The following ZFHX4 variants were observed in gnomAD, a reference collection of about 807,000 sequenced individuals.
ZFHX4 encodes zinc finger homeobox protein 4.
In ZFHX4, 56 loss-of-function variants were observed where a neutral mutation model predicts 267.6. The ratio of observed to expected loss-of-function variants is 0.21; its 90% confidence interval spans 0.17 to 0.26. The LOEUF is 0.26. ZFHX4 is among the 10% of genes least tolerant of loss of function. The pLI, the probability that ZFHX4 is intolerant of heterozygous loss-of-function variation, is 1.00. For synonymous variants in ZFHX4, 1,778 were observed against 1,665.6 expected (o/e 1.07, Z -1.64); for missense variants, 4,332 against 4,420.0 (o/e 0.98, Z 0.56).
In ZFHX4 at chr8:76,854,619, C is replaced by A. The variant is rs1256417413; in HGVS notation, c.7698C>A (p.Ser2566=). 6.2e-7 allele frequency: 1 copy of A among 1,613,596 alleles called. No homozygotes were observed. Among genetic ancestry groups the A allele is most frequent in the Non-Finnish European group, 8.5e-7 (1 of 1,179,872 alleles). The change falls in exon 10 of 11, where the codon TCC becomes TCA. Residue 2566 remains serine, a synonymous_variant. Transcript: ENST00000651372. ...AAATGCCCCCTCAGGCCAGTTCCTC[C>A]CACACCACAGCCCCCACAACGGTTG... ...LTQMPPQASS[S]HTTAPTTVAA...
intron 3 of ZFHX4, among the ~76,000 whole-genome samples, chr8:76,765,065 A>C (rs984554841): frequency 1.3e-5 from 2 of 152,192 alleles, no homozygotes; most frequent in Non-Finnish European, 2.9e-5. Context: ...AAGGAAGCTC[A>C]ACATAGAAAG....
chr8:76,754,184 T>C (rs1809702009), intron 3 of ZFHX4, among the ~76,000 whole-genome samples: 1 of 152,148 alleles, frequency 6.6e-6, no homozygotes, highest in Admixed American at 6.5e-5. Flanking sequence ...TTGTGATAAA[T>C]TTCTGGGAAA....
At chr8:76,682,181 C>G (rs1403054535) in intron 1 of ZFHX4, among the ~76,000 whole-genome samples, 3 of 152,148 alleles carry the variant, frequency 2.0e-5, no homozygotes, top group African/African-American at 4.8e-5. Context: ...AAAGTTTGGA[C>G]GTTGGTCGGT....
Position 76,855,073 on chromosome 8 carries a change from G to A in ZFHX4, c.8152G>A (p.Glu2718Lys), listed in dbSNP as rs777395507. 3.1e-6 allele frequency: 5 copies of A among 1,613,758 alleles called. No individual in the cohort carries two copies. In the Admixed American group the frequency reaches 5.0e-5, roughly 16 times the overall value. The change falls in exon 10 of 11, where the codon GAA (glutamate) becomes AAA (lysine). Residue 2718 changes from glutamate (E) to lysine (K), a missense_variant. By Grantham distance (56) the Glu-to-Lys change is moderately conservative. Around this residue, in one of 7 missense-constraint regions of ZFHX4, gnomAD observed 1,648 missense variants for 1,625.0 expected, o/e 1.01. Coordinates refer to ENST00000651372, the MANE Select transcript of ZFHX4 (RefSeq NM_024721.5). Reference sequence around the variant, plus strand: ...GCCACCAAGCCCTTTAATATCCACCGAAGATGGGGGAGAAAGCCCACAGAA... The same window carrying A: ...GCCACCAAGCCCTTTAATATCCACCAAAGATGGGGGAGAAAGCCCACAGAA... The part of the protein sequence containing the change: ...SLPPSPLIST[E>K]DGGESPQKYI...
intron 1 of ZFHX4, among the ~76,000 whole-genome samples, chr8:76,684,661 G>T (rs1463482211): frequency 6.6e-6 from 1 of 152,192 alleles, no homozygotes; most frequent in Non-Finnish European, 1.5e-5. Context: ...CAACTGTGGG[G>T]TTAGACAGGG....
intron 4 of ZFHX4, among the ~76,000 whole-genome samples, chr8:76,790,162 TC>T (rs1810797026): frequency 6.6e-6 from 1 of 152,186 alleles, no homozygotes; most frequent in African/African-American, 2.4e-5. Flanking sequence ...AAGTACACTT[TC>T]CTATATACAT....
chr8:76,826,689 A>G (rs1208170695), intron 4 of ZFHX4, among the ~76,000 whole-genome samples: 3 of 152,194 alleles, frequency 2.0e-5, no homozygotes, highest in Admixed American at 6.5e-5. Context: ...GGTGGTTGCC[A>G]GGGACTGAGG....
At chr8:76,849,490 A>G (rs1563556715) in intron 7 of ZFHX4, 22 bp from the exon 8 acceptor site, 1 of 1,590,044 alleles carries the variant, frequency 6.3e-7, no homozygotes, top group East Asian at 2.2e-5. Flanking sequence ...AATAGTGGCC[A>G]TGTTTATTCA....
Position 76,853,481 on chromosome 8 carries a change from G to T in ZFHX4, c.6560G>T (p.Arg2187Ile). The part of the protein sequence containing the change: ...FRNTLFKERQ[R>I]NKDSPYNFSN... ...AATACGCTTTTTAAGGAACGACAGA[G>T]AAATAAAGATTCACCATACAACTTC... The change falls in exon 10 of 11, where the codon AGA becomes ATA. Residue 2187 changes from arginine (R) to isoleucine (I), a missense_variant. Transcript: ENST00000651372. 1 of 1,613,812 alleles carries T rather than the reference G, an allele frequency of 6.2e-7. No individual in the cohort carries two copies. Among genetic ancestry groups the T allele is most frequent in the Non-Finnish European group, 8.5e-7 (1 of 1,179,838 alleles).
chr8:76,788,550 A>G (rs1003075604), intron 4 of ZFHX4, among the ~76,000 whole-genome samples: 4 of 152,206 alleles, frequency 2.6e-5, no homozygotes, highest in African/African-American at 9.6e-5. Flanking sequence ...AACTTACAGT[A>G]GAGATTCTGG....
chr8:76,829,348 C>G (rs1464730921), intron 4 of ZFHX4, among the ~76,000 whole-genome samples: 1 of 151,810 alleles, frequency 6.6e-6, no homozygotes, highest in Non-Finnish European at 1.5e-5. Flanking sequence ...AGATTAAATA[C>G]CTGAAAGTTG....
intron 1 of ZFHX4, 149 bp from the exon 2 acceptor site, chr8:76,703,894 C>G (rs923574493): frequency 1.7e-6 from 1 of 598,934 alleles, no homozygotes; most frequent in Non-Finnish European, 2.9e-6. Context: ...CAAAGTCCGT[C>G]TGTGATAGAT....
At chr8:76,744,892 A>C (rs1809418400) in intron 3 of ZFHX4, among the ~76,000 whole-genome samples, 1 of 152,116 alleles carries the variant, frequency 6.6e-6, no homozygotes, top group South Asian at 2.1e-4. Flanking sequence ...ACACTTACAG[A>C]TGTTCAGGCT....
At chr8:76,850,149 C>G (rs181608006) in intron 8 of ZFHX4, 96 bp from the exon 9 acceptor site, 911 of 994,656 alleles carry the variant, frequency 9.2e-4, no homozygotes, top group Non-Finnish European at 1.3e-3. Flanking sequence ...CTAAAATAAA[C>G]AAATGTAAGT....
chr8:76,842,712 A>G lies in ZFHX4; in HGVS notation c.3452A>G (p.Asp1151Gly), dbSNP rs2131916364. 1.9e-6 allele frequency: 3 copies of G among 1,555,018 alleles called. No individual in the cohort carries two copies. The highest frequency in any genetic ancestry group is 2.6e-6 in the Non-Finnish European group (3 of 1,148,944). The change falls in exon 6 of 11, where the codon GAT becomes GGT. Residue 1151 changes from aspartate (D) to glycine (G), a missense_variant. Around this residue, in one of 7 missense-constraint regions of ZFHX4, gnomAD observed 1,371 missense variants for 1,423.1 expected, o/e 0.96. Coordinates refer to ENST00000651372, the MANE Select transcript of ZFHX4 (RefSeq NM_024721.5). Reference protein sequence around the residue: ...AIKPTAVAEDDEKDTSERDNS... With the variant: ...AIKPTAVAEDGEKDTSERDNS... ...AAGCCTACAGCAGTGGCCGAGGACG[A>G]TGAAAAAGACACAAGTGAGAGAGAC... is the stretch of plus-strand genomic sequence containing the variant.
intron 3 of ZFHX4, among the ~76,000 whole-genome samples, chr8:76,766,997 C>T (rs1483126516): frequency 6.6e-6 from 1 of 151,766 alleles, no homozygotes; most frequent in Non-Finnish European, 1.5e-5. Context: ...AACACAGCCT[C>T]TTAAGAGAAT....
chr8:76,779,615 A>T (rs557512569), intron 4 of ZFHX4, among the ~76,000 whole-genome samples: 1 of 152,284 alleles, frequency 6.6e-6, no homozygotes, highest in East Asian at 1.9e-4. Context: ...CATAAAAATG[A>T]AAATGGCACT....
chr8:76,844,290 G>T (rs575981369), intron 6 of ZFHX4, among the ~76,000 whole-genome samples: 1 of 152,124 alleles, frequency 6.6e-6, no homozygotes, highest in Admixed American at 6.6e-5. Flanking sequence ...TCACATAGTA[G>T]TACCAAAACA....
intron 3 of ZFHX4, among the ~76,000 whole-genome samples, chr8:76,715,051 CTTTA>C (rs915539827): frequency 5.9e-5 from 9 of 152,116 alleles, no homozygotes; most frequent in African/African-American, 1.7e-4. Flanking sequence ...CATAGCAAGA[CTTTA>C]TTTATCAGTT....
Sources: allele counts gnomAD v4.1 joint callset (sites outside exome capture counted in the v4.1 genomes callset), GRCh38; gene constraint gnomAD v4.1.1; regional missense constraint gnomAD v4.1.1; transcripts MANE v1.5; gene names NCBI Gene and HGNC (gene_info 2026-07-23, HGNC 2026-07-21).